Variants in FAM13A observed in about 807,000 individuals in gnomAD.
FAM13A encodes family with sequence similarity 13 member A.
In FAM13A, 76 loss-of-function variants were observed where a neutral mutation model predicts 129.6. The ratio of observed to expected loss-of-function variants is 0.59; its 90% CI spans 0.49 to 0.71. The LOEUF is 0.71. Ranked by LOEUF, FAM13A falls within the 30% of genes least tolerant of loss-of-function variation. The pLI is 0.00. For synonymous variants in FAM13A, 443 were observed against 449.9 expected (o/e 0.98, Z 0.20); for missense variants, 1,108 against 1,249.3 (o/e 0.89, Z 1.70).
rs986138913 is a variant in FAM13A at position 88,925,421 on chromosome 4, T to C, written c.759+12667A>G. Among the ~76,000 whole-genome samples the C allele has an allele frequency of 2.8e-4, 42 of 151,990 alleles. 1 individual carries two copies. Among genetic ancestry groups the C allele is most frequent in the Non-Finnish European group, 1.0e-4 (7 of 68,002 alleles). On this transcript the variant is annotated intron_variant, in intron 5 of 23. Transcript: ENST00000264344. Reference sequence around the variant, plus strand: ...TCCTTTGTAGGGACATGGATGAAATTGGAAATCATCATTCTCAGTAAACTA... The same window carrying C: ...TCCTTTGTAGGGACATGGATGAAATCGGAAATCATCATTCTCAGTAAACTA...
At chr4:88,945,986 G>GTA (rs1309475381) in intron 4 of FAM13A, among the ~76,000 whole-genome samples, 23 of 21,834 alleles carry the variant, frequency 1.1e-3, no homozygotes, top group African/African-American at 6.4e-3. Context: ...GTGTGTGTGT[G>GTA]TGTGTATATA....
chr4:88,764,158 CT>C (rs1304024576), intron 13 of FAM13A, among the ~76,000 whole-genome samples: 3 of 151,482 alleles, frequency 2.0e-5, no homozygotes, highest in Non-Finnish European at 4.4e-5. Flanking sequence ...TTCTCTTTTC[CT>C]TTTTTTTGAA....
At position 88,739,121 on chromosome 4, in the gene FAM13A, G is replaced by C. The variant is rs144309025; in HGVS notation, c.2471C>G (p.Thr824Arg). The change falls in exon 20 of 24, where the codon ACA becomes AGA. Residue 824 changes from threonine (T) to arginine (R), a missense_variant. Around this residue, in one of 3 missense-constraint regions of FAM13A, gnomAD observed 529 missense variants for 621.2 expected, o/e 0.85. Coordinates refer to ENST00000264344, the MANE Select transcript of FAM13A (RefSeq NM_014883.4). The stretch of plus-strand genomic sequence containing the variant: ...CTTCATCACCTGCCGTTCGTTCTTT[G>C]TTACCTGAAAAGCAAGAATGAGAGC... ...YYESIHGRPV[T>R]KNERQVMKPL... 6.8e-5 allele frequency: 110 copies of C among 1,612,646 alleles called. No homozygotes were observed. The African/African-American group carries it at 1.3e-3, about 20-fold the overall frequency.
intron 6 of FAM13A, among the ~76,000 whole-genome samples, chr4:88,900,955 C>A (rs1042400733): frequency 2.0e-5 from 3 of 151,858 alleles, no homozygotes; most frequent in Non-Finnish European, 2.9e-5. Context: ...AGGAAAATTT[C>A]CAAGCAAATG....
At chr4:88,970,933 G>T (rs530353779) in intron 4 of FAM13A, among the ~76,000 whole-genome samples, 7 of 152,338 alleles carry the variant, frequency 4.6e-5, no homozygotes, top group South Asian at 2.1e-4. Flanking sequence ...AGTTGGCCGG[G>T]TGCAGTGGCT....
At chr4:88,881,584 A>G (rs552241558) in intron 6 of FAM13A, among the ~76,000 whole-genome samples, 4 of 152,340 alleles carry the variant, frequency 2.6e-5, no homozygotes, top group Admixed American at 2.6e-4. Context: ...AACACCCCCA[A>G]GAGATCATGC....
intron 1 of FAM13A, among the ~76,000 whole-genome samples, chr4:89,054,256 C>T (rs527811136): frequency 1.3e-5 from 2 of 150,576 alleles, no homozygotes; most frequent in South Asian, 4.2e-4. Flanking sequence ...TGTCCCACTT[C>T]AAGAGTCCAC....
At chr4:88,774,800 T>C (rs955008488) in intron 11 of FAM13A, among the ~76,000 whole-genome samples, 11 of 152,092 alleles carry the variant, frequency 7.2e-5, no homozygotes, top group South Asian at 4.1e-4. Context: ...GATTGAAATG[T>C]TGAAGGAAGG....
intron 3 of FAM13A, among the ~76,000 whole-genome samples, chr4:89,015,267 A>C (rs1250885068): frequency 6.6e-6 from 1 of 152,020 alleles, no homozygotes; most frequent in Non-Finnish European, 1.5e-5. Flanking sequence ...CCCTGCCTCC[A>C]TTTGCCTTGT....
intron 4 of FAM13A, among the ~76,000 whole-genome samples, chr4:88,941,691 C>T (rs1754782173): frequency 6.6e-6 from 1 of 152,058 alleles, no homozygotes; most frequent in Non-Finnish European, 1.5e-5. Context: ...GGGGGTGGGT[C>T]CCCTGTCTTC....
At chr4:88,961,673 T>C (rs999744340) in intron 4 of FAM13A, among the ~76,000 whole-genome samples, 2 of 152,120 alleles carry the variant, frequency 1.3e-5, no homozygotes, top group Non-Finnish European at 2.9e-5. Flanking sequence ...GGCCAGAACT[T>C]GCCTTTTAGT....
intron 1 of FAM13A, 51 bp downstream of exon 1, chr4:89,056,887 C>A: frequency 6.4e-7 from 1 of 1,566,022 alleles, no homozygotes; most frequent in Non-Finnish European, 8.7e-7. Context: ...GCAAGGCCCT[C>A]TCCTAAAAAC....
intron 21 of FAM13A, among the ~76,000 whole-genome samples, chr4:88,736,091 G>T (rs1186157630): frequency 1.3e-5 from 2 of 151,912 alleles, no homozygotes; most frequent in African/African-American, 2.4e-5. Context: ...TTCATTCTTG[G>T]GTGACATTAC....
In FAM13A at chr4:89,051,533, C is replaced by A. The variant is rs1771589549; in HGVS notation, c.27+5405G>T. Among the ~76,000 whole-genome samples, 4 of 152,188 alleles carry A rather than the reference C, an allele frequency of 2.6e-5. No individual in the cohort carries two copies. In the South Asian group the frequency reaches 8.3e-4, roughly 31 times the overall value. On this transcript the variant is annotated intron_variant, in intron 1 of 23. Transcript: ENST00000264344. Reference sequence around the variant, plus strand: ...CGCATGCAAAATACATTCATTCCATCTCAACAGTCCCTAAAATCTTAACTC... The same window carrying A: ...CGCATGCAAAATACATTCATTCCATATCAACAGTCCCTAAAATCTTAACTC...
At chr4:88,965,235 A>G (rs1759199505) in intron 4 of FAM13A, among the ~76,000 whole-genome samples, 1 of 152,196 alleles carries the variant, frequency 6.6e-6, no homozygotes, top group Non-Finnish European at 1.5e-5. Context: ...GAGACATAGA[A>G]AGGAAAGGCA....
chr4:88,785,748 T>G (rs1204979678), intron 10 of FAM13A, among the ~76,000 whole-genome samples: 1 of 152,068 alleles, frequency 6.6e-6, no homozygotes, highest in Non-Finnish European at 1.5e-5. Context: ...TTTTGAGAGA[T>G]AAGGGTCTCA....
chr4:89,029,743 A>C, intron 1 of FAM13A, 94 bp from the exon 2 acceptor site: 1 of 1,039,096 alleles, frequency 9.6e-7, no homozygotes, highest in Non-Finnish European at 1.4e-6. Context: ...AATGTGTTTG[A>C]AGATGAATAG....
chr4:89,024,444 T>C (rs1218376240), intron 2 of FAM13A, among the ~76,000 whole-genome samples: 1 of 152,204 alleles, frequency 6.6e-6, no homozygotes, highest in African/African-American at 2.4e-5. Flanking sequence ...TTAAAGGGCT[T>C]GATATAGGCC....
chr4:88,931,504 T>A (rs1753030502), intron 5 of FAM13A, among the ~76,000 whole-genome samples: 1 of 152,114 alleles, frequency 6.6e-6, no homozygotes, highest in South Asian at 2.1e-4. Flanking sequence ...TCCTTACTTA[T>A]CTCTGGTGTT....
Sources: allele counts gnomAD v4.1 joint callset (sites outside exome capture counted in the v4.1 genomes callset), GRCh38; gene constraint gnomAD v4.1.1; regional missense constraint gnomAD v4.1.1; transcripts MANE v1.5; gene names NCBI Gene and HGNC (gene_info 2026-07-23, HGNC 2026-07-21).